The following OSBPL8 variants were observed in gnomAD, a reference collection of about 807,000 sequenced individuals.
OSBPL8 encodes the protein oxysterol-binding protein-related protein 8.
In OSBPL8, 59 loss-of-function variants were observed where a neutral mutation model predicts 125.5. The ratio of observed to expected loss-of-function variants is 0.47; its 90% CI spans 0.38 to 0.58. The LOEUF (loss-of-function observed/expected upper bound fraction) is 0.58. Ranked by LOEUF, OSBPL8 falls within the 20% of genes least tolerant of loss-of-function variation. The pLI is 0.00. For missense variants in OSBPL8, 758 were observed against 1,047.8 expected, an observed-to-expected ratio of 0.72 and a Z score of 3.82; for synonymous variants, 330 against 338.9, an observed-to-expected ratio of 0.97 and a Z score of 0.29.
intron 4 of OSBPL8, among the ~76,000 whole-genome samples, chr12:76,440,284 C>T (rs962933321): frequency 2.0e-5 from 3 of 152,080 alleles, no homozygotes; most frequent in African/African-American, 7.2e-5. Context: ...GAAAATGGTT[C>T]GTTATCCCAC....
intron 2 of OSBPL8, among the ~76,000 whole-genome samples, chr12:76,484,100 C>T (rs1416183437): frequency 6.6e-6 from 1 of 152,170 alleles, no homozygotes; most frequent in African/African-American, 2.4e-5. Context: ...CCTGGTCTAG[C>T]ACTCAAAGCC....
At chr12:76,557,034 G>A (rs1951124312) in intron 1 of OSBPL8, among the ~76,000 whole-genome samples, 2 of 152,154 alleles carry the variant, frequency 1.3e-5, no homozygotes, top group South Asian at 4.1e-4. Context: ...GATTAAGGCA[G>A]GACCTATGTC....
rs368281143 is a variant in OSBPL8, at chr12:76,389,978, T to A, written c.1168-149A>T. 1.7e-4 allele frequency: 96 copies of A among 576,074 alleles called. No homozygotes were observed. The East Asian group carries it at 2.1e-3, about 13-fold the overall frequency. The allele number at this position is 576,074 out of a possible 1,614,324, so 35.7% of individuals were successfully genotyped here. A position where few individuals can be genotyped will look rare whatever the true frequency, so the allele number is the denominator to read the frequency against. ...AAACAAAAAATAATAATAAAATCTATAGCTATAAAACTTAGGTAAAAAAGG... is the reference window on the plus strand; with the variant it reads ...AAACAAAAAATAATAATAAAATCTAAAGCTATAAAACTTAGGTAAAAAAGG... On this transcript the variant is annotated intron_variant, in intron 11 of 23. Coordinates refer to ENST00000261183, the MANE Select transcript of OSBPL8 (RefSeq NM_020841.5).
In OSBPL8 at chr12:76,549,106, A is replaced by G. The variant is rs190156694; in HGVS notation, c.-68+10291T>C. Among the ~76,000 whole-genome samples, 478 of 152,280 alleles carry G rather than the reference A, an allele frequency of 3.1e-3. 2 individuals are homozygous for G. The highest frequency in any genetic ancestry group is 3.7e-3 in the Non-Finnish European group (252 of 68,034). ...ATCAGCCAAAATACTAAAGGGGAAA[A>G]AAAACCCACAAAATATAAAAGATGA... On this transcript the variant is annotated intron_variant, in intron 1 of 23. Coordinates refer to ENST00000261183, the MANE Select transcript of OSBPL8 (RefSeq NM_020841.5).
At chr12:76,470,562 G>C (rs936980886) in intron 2 of OSBPL8, among the ~76,000 whole-genome samples, 4 of 152,034 alleles carry the variant, frequency 2.6e-5, no homozygotes, top group African/African-American at 9.7e-5. Flanking sequence ...TGCTTATATA[G>C]AGATATGTGA....
At chr12:76,381,719 C>T (rs1348170742) in intron 15 of OSBPL8, among the ~76,000 whole-genome samples, 1 of 151,544 alleles carries the variant, frequency 6.6e-6, no homozygotes, top group East Asian at 1.9e-4. Context: ...CTTTTACTTT[C>T]CATTTACTTT....
chr12:76,494,194 TTA>T (rs1879026428), intron 1 of OSBPL8, among the ~76,000 whole-genome samples: 1 of 152,296 alleles, frequency 6.6e-6, no homozygotes, highest in South Asian at 2.1e-4. Flanking sequence ...TTTGGTGGTG[TTA>T]TGTTTTCTTG....
intron 16 of OSBPL8, among the ~76,000 whole-genome samples, chr12:76,376,595 T>C (rs1952827267): frequency 1.3e-5 from 2 of 152,238 alleles, no homozygotes; most frequent in African/African-American, 4.8e-5. Flanking sequence ...ACATGGAATA[T>C]AGTTTTATTT....
intron 2 of OSBPL8, among the ~76,000 whole-genome samples, chr12:76,476,757 A>G (rs1939139850): frequency 6.6e-6 from 1 of 152,222 alleles, no homozygotes; most frequent in African/African-American, 2.4e-5. Context: ...CACAGAATGA[A>G]TACCTTTCTA....
intron 1 of OSBPL8, chr12:76,536,992 G>A (rs934504437): frequency 6.6e-6 from 1 of 152,222 alleles, no homozygotes; most frequent in Non-Finnish European, 1.5e-5. Context: ...TTTAAAAAAT[G>A]AGAATGCTTA....
intron 1 of OSBPL8, among the ~76,000 whole-genome samples, chr12:76,525,177 A>G (rs919069081): frequency 2.0e-5 from 3 of 152,146 alleles, no homozygotes; most frequent in Non-Finnish European, 4.4e-5. Flanking sequence ...GATACGAATA[A>G]ATTTTTAAAA....
chr12:76,386,398 A>G lies in OSBPL8; in HGVS notation c.1435-132T>C, dbSNP rs573606159. 21 of 1,352,964 alleles carry G rather than the reference A, an allele frequency of 1.6e-5. No homozygotes were observed. The East Asian group carries it at 5.4e-4, about 35-fold the overall frequency. 83.8% of individuals were successfully genotyped at this position (1,352,964 alleles called of 1,614,324 possible). A position where few individuals can be genotyped will look rare whatever the true frequency, so the allele number is the denominator to read the frequency against. On this transcript the variant is annotated intron_variant, in intron 13 of 23. Transcript: ENST00000261183. ...TAAAATTTCAAAGTAAATAAAATTT[A>G]CATTAAATAAAATTAAATGACTTCA... is the stretch of plus-strand genomic sequence containing the variant.
intron 1 of OSBPL8, among the ~76,000 whole-genome samples, chr12:76,544,890 T>C (rs140752042): frequency 6.6e-5 from 10 of 151,982 alleles, no homozygotes; most frequent in African/African-American, 1.2e-4. Context: ...TAGAATACCA[T>C]CTATTTATTT....
At chr12:76,420,260 T>A (rs956935799) in intron 4 of OSBPL8, among the ~76,000 whole-genome samples, 4 of 151,998 alleles carry the variant, frequency 2.6e-5, no homozygotes, top group African/African-American at 9.7e-5. Context: ...ATCTGAGAAG[T>A]CAAAATATAC....
At chr12:76,525,945 G>A (rs374959140) in intron 1 of OSBPL8, among the ~76,000 whole-genome samples, 2 of 152,146 alleles carry the variant, frequency 1.3e-5, no homozygotes, top group East Asian at 3.9e-4. Context: ...ATCCCTGAAG[G>A]GAGAGTTACT....
chr12:76,538,217 T>C (rs2137399134), intron 1 of OSBPL8, among the ~76,000 whole-genome samples: 1 of 152,286 alleles, frequency 6.6e-6, no homozygotes, highest in African/African-American at 2.4e-5. Flanking sequence ...CACTAAAATA[T>C]TTACAAACAC....
chr12:76,467,323 A>C (rs1458133223), intron 2 of OSBPL8, among the ~76,000 whole-genome samples: 1 of 152,166 alleles, frequency 6.6e-6, no homozygotes, highest in East Asian at 1.9e-4. Context: ...TTGATGCTCA[A>C]GGCTCATTTA....
intron 4 of OSBPL8, among the ~76,000 whole-genome samples, chr12:76,434,294 T>A (rs1010009913): frequency 1.3e-5 from 2 of 152,122 alleles, no homozygotes; most frequent in African/African-American, 4.8e-5. Context: ...ACAAACTGGA[T>A]ACCCACATGC....
chr12:76,395,701 GAA>G (rs1399462160), intron 8 of OSBPL8, among the ~76,000 whole-genome samples: 1 of 152,074 alleles, frequency 6.6e-6, no homozygotes, highest in African/African-American at 2.4e-5. Context: ...ACAATGGGAA[GAA>G]ACTGTATCCT....
Sources: allele counts gnomAD v4.1 joint callset (sites outside exome capture counted in the v4.1 genomes callset), GRCh38; gene constraint gnomAD v4.1.1; transcripts MANE v1.5; gene names NCBI Gene and HGNC (gene_info 2026-07-23, HGNC 2026-07-21).